Variants in KIF6 observed in about 807,000 individuals in gnomAD.
KIF6 encodes kinesin family member 6, also known as kinesin-like protein KIF6.
A neutral mutation model predicts 112.7 loss-of-function variants in KIF6; 106 were observed. That is an observed-to-expected ratio of 0.94 (90% confidence interval 0.80 to 1.11). The LOEUF (loss-of-function observed/expected upper bound fraction) is 1.11. Among genes scored for constraint, KIF6 ranks in the 50% least tolerant of loss-of-function variants. The pLI, the probability that KIF6 is intolerant of heterozygous loss-of-function variation, is 0.00. For missense variants in KIF6, 929 were observed against 964.0 expected, an observed-to-expected ratio of 0.96 and a Z score of 0.48; for synonymous variants, 339 against 339.9, an observed-to-expected ratio of 1.00 and a Z score of 0.03.
chr6:39,628,610 C>A (rs1009951760), intron 5 of KIF6, among the ~76,000 whole-genome samples: 1 of 152,106 alleles, frequency 6.6e-6, no homozygotes, highest in Non-Finnish European at 1.5e-5. Context: ...TTTTACTCAA[C>A]ATATTTCCCT....
At chr6:39,592,661 G>A (rs961503565) in intron 7 of KIF6, among the ~76,000 whole-genome samples, 1 of 152,174 alleles carries the variant, frequency 6.6e-6, no homozygotes, top group East Asian at 1.9e-4. Flanking sequence ...TTCCTCCCAT[G>A]AACTCAATTT....
chr6:39,423,124 A>G (rs767985979), intron 14 of KIF6, among the ~76,000 whole-genome samples: 10 of 152,168 alleles, frequency 6.6e-5, no homozygotes, highest in Non-Finnish European at 1.5e-4. Context: ...GTGCAGTTCC[A>G]GTGTGGATGC....
At chr6:39,652,252 A>C (rs1187403922) in intron 3 of KIF6, among the ~76,000 whole-genome samples, 1 of 152,170 alleles carries the variant, frequency 6.6e-6, no homozygotes, top group African/African-American at 2.4e-5. Flanking sequence ...TAGTCTTGCC[A>C]GGTACAGTGG....
At chr6:39,685,331 G>C (rs1449524168) in intron 3 of KIF6, among the ~76,000 whole-genome samples, 2 of 152,212 alleles carry the variant, frequency 1.3e-5, no homozygotes, top group African/African-American at 4.8e-5. Flanking sequence ...TAACAGGAGG[G>C]AGGCCAAGGA....
chr6:39,439,242 A>G (rs1479589207), intron 13 of KIF6, among the ~76,000 whole-genome samples: 1 of 152,242 alleles, frequency 6.6e-6, no homozygotes, highest in Non-Finnish European at 1.5e-5. Flanking sequence ...CATACATTTT[A>G]TCTTCTTCCC....
chr6:39,374,291 G>A (rs1766258059), intron 16 of KIF6, among the ~76,000 whole-genome samples: 1 of 151,996 alleles, frequency 6.6e-6, no homozygotes, highest in Non-Finnish European at 1.5e-5. Context: ...AAACATAAGG[G>A]GAATAGTTCA....
intron 13 of KIF6, among the ~76,000 whole-genome samples, chr6:39,431,772 A>G (rs1024277627): frequency 6.6e-5 from 10 of 151,994 alleles, no homozygotes; most frequent in African/African-American, 2.4e-4. Context: ...GCCTTTGCCA[A>G]TAAAGGCCAA....
Position 39,720,755 on chromosome 6 carries a change from T to C in KIF6, c.123A>G (p.Pro41=). Residue 41 remains proline (P), a synonymous_variant, in exon 2 of 23, where the codon CCA becomes CCG. Coordinates refer to ENST00000287152, the MANE Select transcript of KIF6 (RefSeq NM_145027.6). Reference sequence around the variant, plus strand: ...TCACAAACCCATCTGCCAAATCACGTGGTAAGATGATTTCCAAGCTAGGTA... The same window carrying C: ...TCACAAACCCATCTGCCAAATCACGCGGTAAGATGATTTCCAAGCTAGGTA... ...KLIPSLEIIL[P]RDLADGFVNN... is the part of the protein sequence containing the mutation. 6.2e-7 allele frequency: 1 copy of C among 1,610,496 alleles called. No individual in the cohort carries two copies. The highest frequency in any genetic ancestry group is 1.1e-5 in the South Asian group (1 of 90,998).
intron 14 of KIF6, among the ~76,000 whole-genome samples, chr6:39,430,673 G>C (rs1771088115): frequency 6.6e-6 from 1 of 152,210 alleles, no homozygotes; most frequent in Non-Finnish European, 1.5e-5. Flanking sequence ...CTGCTCTCCA[G>C]AACAGCTGGA....
At chr6:39,365,114 T>C (rs1765458393) in intron 16 of KIF6, among the ~76,000 whole-genome samples, 1 of 152,198 alleles carries the variant, frequency 6.6e-6, no homozygotes. Flanking sequence ...TTTGACTCCC[T>C]TACCCATTTG....
intron 3 of KIF6, among the ~76,000 whole-genome samples, chr6:39,661,430 G>T (rs1439402654): frequency 6.6e-6 from 1 of 152,158 alleles, no homozygotes; most frequent in Non-Finnish European, 1.5e-5. Flanking sequence ...GTTAACATAT[G>T]CTATGTACAC....
At chr6:39,473,397 A>G (rs1774248109) in intron 13 of KIF6, among the ~76,000 whole-genome samples, 1 of 152,192 alleles carries the variant, frequency 6.6e-6, no homozygotes, top group South Asian at 2.1e-4. Context: ...CAGGTTTTCC[A>G]ATTTAATGGA....
intron 6 of KIF6, among the ~76,000 whole-genome samples, chr6:39,612,623 A>T (rs1783277789): frequency 6.6e-6 from 1 of 152,328 alleles, no homozygotes; most frequent in East Asian, 1.9e-4. Flanking sequence ...AGATATACAC[A>T]CTATAGTGGT....
chr6:39,628,970 C>G (rs149641825), intron 5 of KIF6, among the ~76,000 whole-genome samples: 1 of 152,244 alleles, frequency 6.6e-6, no homozygotes, highest in Non-Finnish European at 1.5e-5. Flanking sequence ...TAGCAATATG[C>G]ATTTACATTT....
At chr6:39,511,868 C>T (rs1307692556) in intron 13 of KIF6, among the ~76,000 whole-genome samples, 1 of 152,196 alleles carries the variant, frequency 6.6e-6, no homozygotes, top group African/African-American at 2.4e-5. Flanking sequence ...ACTGCATGTT[C>T]TCACTCATAA....
rs1298911682 is a variant in KIF6, at chr6:39,411,217, G to T, written c.1810+8731C>A. 3.3e-5 allele frequency among the ~76,000 whole-genome samples: 5 copies of T among 152,220 alleles called. No individual in the cohort carries two copies. In the South Asian group the frequency reaches 1.0e-3, roughly 32 times the overall value. ...GCCAGCCGGTTACAAGAGCAGACAG[G>T]CACAGAGGGAGCAAGAGGCGCTGAG... On this transcript the variant is annotated intron_variant, in intron 15 of 22. Transcript: ENST00000287152.
Position 39,556,639 on chromosome 6 carries a change from C to T in KIF6, c.1182-10951G>A, listed in dbSNP as rs575090022. 7.7e-4 allele frequency among the ~76,000 whole-genome samples: 115 copies of T among 148,478 alleles called. 1 individual carries two copies. Among genetic ancestry groups the T allele is most frequent in the Admixed American group, 5.2e-3 (77 of 14,818 alleles). On this transcript the variant is annotated intron_variant, in intron 10 of 22. Transcript: ENST00000287152. ...ATCAAGGAATGAGAGGCAAGACGGCCGGTGGGAGAACAAGGTTAGGAAGGT... is the reference window on the plus strand; with the variant it reads ...ATCAAGGAATGAGAGGCAAGACGGCTGGTGGGAGAACAAGGTTAGGAAGGT...
intron 13 of KIF6, among the ~76,000 whole-genome samples, chr6:39,472,596 C>G (rs1774179443): frequency 6.6e-6 from 1 of 152,172 alleles, no homozygotes; most frequent in East Asian, 1.9e-4. Flanking sequence ...CCACCTCCTC[C>G]TCTCTCCCCC....
chr6:39,385,522 G>T, intron 16 of KIF6, 100 bp downstream of exon 16: 1 of 967,362 alleles, frequency 1.0e-6, no homozygotes, highest in Non-Finnish European at 1.7e-6. Flanking sequence ...ACCTCAGAGA[G>T]GGTTTTAAAT....
Sources: gnomAD v4.1 joint callset for allele counts (sites outside exome capture counted in the v4.1 genomes callset) on GRCh38, gnomAD v4.1.1 for gene constraint, MANE v1.5 for transcripts, NCBI Gene and HGNC (gene_info 2026-07-23, HGNC 2026-07-21) for gene names.